Variants in SPTBN4 observed in about 807,000 individuals in gnomAD.
The protein encoded by SPTBN4 is spectrin beta chain, non-erythrocytic 4.
Under a neutral mutation model 277.8 loss-of-function variants are expected in SPTBN4, and 96 were observed. That is an observed-to-expected ratio of 0.35 (90% CI 0.29 to 0.41). The LOEUF is 0.41. Among genes scored for constraint, SPTBN4 ranks in the 10% least tolerant of loss-of-function variants. The pLI is 1.00. For synonymous variants in SPTBN4, 1,481 were observed against 1,580.3 expected (o/e 0.94, Z 1.49); for missense variants, 3,006 against 3,595.7 (o/e 0.84, Z 4.19).
intron 16 of SPTBN4, 151 bp from the exon 17 acceptor site, chr19:40,523,286 C>T: frequency 1.4e-6 from 1 of 713,798 alleles, no homozygotes; most frequent in Non-Finnish European, 2.3e-6. Context: ...GCAGAAGCAC[C>T]AGCATGGGCA....
chr19:40,492,833 C>T, intron 4 of SPTBN4, 130 bp from the exon 5 acceptor site: 1 of 695,098 alleles, frequency 1.4e-6, no homozygotes, highest in African/African-American at 1.8e-5. Context: ...GGACCCCCAC[C>T]CCCAGCCAGA....
Position 40,516,237 on chromosome 19 carries a change from C to CA in SPTBN4, c.2903+808dup, listed in dbSNP as rs61403353. 8.5e-3 allele frequency among the ~76,000 whole-genome samples: 958 copies of CA among 112,278 alleles called. 8 individuals are homozygous for CA. The highest frequency in any genetic ancestry group is 0.018 in the African/African-American group (579 of 32,398). The allele number at this position is 112,278 out of a possible 152,430, so 73.7% of individuals were successfully genotyped here. On this transcript the variant is annotated intron_variant, in intron 15 of 35. Coordinates refer to ENST00000598249, the MANE Select transcript of SPTBN4 (RefSeq NM_020971.3). ...TGGGCAATAGAGCCAGACCTTGTCT[C>CA]AAAAAAAAAAAAAAAAAAATTCCCA...
chr19:40,497,463 C>T (rs1189633804), intron 6 of SPTBN4, 26 bp from the exon 7 acceptor site: 2 of 1,573,000 alleles, frequency 1.3e-6, no homozygotes, highest in Non-Finnish European at 1.8e-6. Flanking sequence ...CTGCCTGCTG[C>T]CTGCCTGCTC....
At chr19:40,563,404 A>AT (rs765518059) in intron 27 of SPTBN4, among the ~76,000 whole-genome samples, 15 of 152,040 alleles carry the variant, frequency 9.9e-5, no homozygotes, top group Non-Finnish European at 2.1e-4. Flanking sequence ...ATGGCTTAGA[A>AT]TGGTGCTGTC....
In SPTBN4 at chr19:40,502,881, A is replaced by G. The variant is rs370028770; in HGVS notation, c.1310A>G (p.Lys437Arg). Residue 437 changes from lysine to arginine, a missense_variant, in exon 11 of 36, where the codon AAG (lysine) becomes AGG (arginine). By Grantham distance (26) the Lys-to-Arg change is conservative (BLOSUM62 2). This residue lies in a region of SPTBN4 where 1,759 missense variants were observed against 2,061.5 expected (regional missense o/e 0.85). Coordinates refer to ENST00000598249, the MANE Select transcript of SPTBN4 (RefSeq NM_020971.3). The surrounding 1 kb of genome is among the most constrained non-coding windows in gnomAD (Gnocchi z 4.9). ...LELLAQRFDH[K>R]VAMRESWLNE... ...CTACTGGCACAGAGGTTTGACCACA[A>G]GGTGGCTATGAGGGAGAGCTGGCTG... 6.2e-7 allele frequency: 1 copy of G among 1,613,924 alleles called. No homozygotes were observed. Among genetic ancestry groups the G allele is most frequent in the East Asian group, 2.2e-5 (1 of 44,884 alleles).
At chr19:40,479,702 A>ATATATATATATATATATATATATT (rs1303572950) in intron 2 of SPTBN4, among the ~76,000 whole-genome samples, 1 of 144,448 alleles carries the variant, frequency 6.9e-6, no homozygotes, top group African/African-American at 2.6e-5. Context: ...ATATATATAT[A>ATATATATATATATATATATATATT]TTTAACTTTT....
chr19:40,519,833 C>T lies in SPTBN4; in HGVS notation c.3336C>T (p.Gly1112=), dbSNP rs1374190713. The change falls in exon 16 of 36, where the codon GGC becomes GGT. Residue 1112 remains glycine, a synonymous_variant. Coordinates refer to ENST00000598249, the MANE Select transcript of SPTBN4 (RefSeq NM_020971.3). This position sits in a 1 kb window ranked among gnomAD's most constrained non-coding sequence, Gnocchi z 5.7. ...TCGTGCGCGCCCAGGAGGCGGCGGG[C>T]GGCAGCGAGGGGCCCCTGCCCAACA... ...DWLVRAQEAA[G]GSEGPLPNSL... is the part of the protein sequence containing the mutation. The T allele has an allele frequency of 1.4e-6, 2 of 1,433,300 alleles. No homozygotes were observed. Among genetic ancestry groups the T allele is most frequent in the Non-Finnish European group, 1.8e-6 (2 of 1,106,458 alleles). 88.8% of individuals were successfully genotyped at this position (1,433,300 alleles called of 1,614,324 possible). A position where few individuals can be genotyped will look rare whatever the true frequency, so the allele number is the denominator to read the frequency against.
chr19:40,540,780 C>T (rs771586719), intron 20 of SPTBN4, among the ~76,000 whole-genome samples: 32 of 134,276 alleles, frequency 2.4e-4, no homozygotes, highest in Non-Finnish European at 3.8e-4. Flanking sequence ...TGTCACTGCA[C>T]TCCAATCTGG....
chr19:40,542,295 C>T (rs557954978), intron 20 of SPTBN4, among the ~76,000 whole-genome samples: 17 of 152,294 alleles, frequency 1.1e-4, no homozygotes, highest in African/African-American at 3.8e-4. Flanking sequence ...TGTGTCCTCT[C>T]CCTCATCCCG....
At chr19:40,548,210 C>T (rs1206232006) in intron 20 of SPTBN4, among the ~76,000 whole-genome samples, 1 of 152,190 alleles carries the variant, frequency 6.6e-6, no homozygotes, top group African/African-American at 2.4e-5. Flanking sequence ...TAATTTCTTA[C>T]TATCAAATTT....
chr19:40,503,038 T>C, intron 11 of SPTBN4, 105 bp downstream of exon 11: 1 of 1,388,950 alleles, frequency 7.2e-7, no homozygotes, highest in Non-Finnish European at 9.7e-7. Context: ...AGGGAAGAGT[T>C]AGATTAGTCT....
In SPTBN4 at chr19:40,493,106, C is replaced by T. The variant is rs1341152042; in HGVS notation, c.587+52C>T. The stretch of plus-strand genomic sequence containing the variant: ...GAGGTTAGGCAAGTGGTCCCCTAAC[C>T]TCTGCAATTCCTTCCCAGACAAGAG... On this transcript the variant is annotated intron_variant, in intron 5 of 35. Transcript: ENST00000598249. 4 of 1,551,248 alleles carry T rather than the reference C, an allele frequency of 2.6e-6. No individual in the cohort carries two copies. The Admixed American group carries it at 6.7e-5, about 26-fold the overall frequency.
In SPTBN4 at chr19:40,532,622, C is replaced by T; in HGVS notation, c.3949-3C>T. 1.2e-6 allele frequency: 2 copies of T among 1,612,416 alleles called. No homozygotes were observed. The highest frequency in any genetic ancestry group is 1.7e-6 in the Non-Finnish European group (2 of 1,179,086). Reference sequence around the variant, plus strand: ...CTGAGCCCTCCTGCCCTGTTCTGCACAGCTGGATGGCTGGATCCATGAGAA... The same window carrying T: ...CTGAGCCCTCCTGCCCTGTTCTGCATAGCTGGATGGCTGGATCCATGAGAA... On this transcript the variant is annotated splice_polypyrimidine_tract_variant and splice_region_variant and intron_variant, in intron 18 of 35. Coordinates refer to ENST00000598249, the MANE Select transcript of SPTBN4 (RefSeq NM_020971.3).
rs1368812114 is a variant in SPTBN4, at chr19:40,536,046, T to C, written c.4359+1703T>C. The stretch of plus-strand genomic sequence containing the variant: ...TGTTGGGATATAGCAGTGGGCAAAA[T>C]GGATGAAAAGTTACTGCCTTCACGG... On this transcript the variant is annotated intron_variant, in intron 20 of 35. Coordinates refer to ENST00000598249, the MANE Select transcript of SPTBN4 (RefSeq NM_020971.3). Among the ~76,000 whole-genome samples the C allele has an allele frequency of 2.0e-5, 3 of 151,990 alleles. No individual in the cohort carries two copies. The South Asian group carries it at 6.2e-4, about 31-fold the overall frequency.
chr19:40,482,636 A>G (rs1217722615), intron 2 of SPTBN4, among the ~76,000 whole-genome samples: 1 of 152,222 alleles, frequency 6.6e-6, no homozygotes, highest in Non-Finnish European at 1.5e-5. Context: ...ACTGATTTAC[A>G]TTTTTATAAA....
chr19:40,555,959 G>A (rs1156760074), intron 24 of SPTBN4, 125 bp from the exon 25 acceptor site: 3 of 786,076 alleles, frequency 3.8e-6, no homozygotes, highest in Non-Finnish European at 4.0e-6. Context: ...CTCTACCTGG[G>A]GACACAGCCG....
intron 17 of SPTBN4, among the ~76,000 whole-genome samples, chr19:40,524,232 C>T (rs2080563056): frequency 6.6e-6 from 1 of 151,872 alleles, no homozygotes; most frequent in Admixed American, 6.6e-5. Context: ...AGGCTGGGTG[C>T]AGTGACTCAT....
chr19:40,468,704 AAACT>A (rs2079853411), intron 1 of SPTBN4, among the ~76,000 whole-genome samples: 1 of 152,140 alleles, frequency 6.6e-6, no homozygotes, highest in South Asian at 2.1e-4. Flanking sequence ...GCAGATGAAC[AAACT>A]AAGGCCCAAA....
chr19:40,470,288 C>T (rs1284691488), intron 1 of SPTBN4, among the ~76,000 whole-genome samples: 10 of 150,894 alleles, frequency 6.6e-5, no homozygotes, highest in African/African-American at 1.9e-4. Context: ...CATGAGCCAC[C>T]GTGCCCGGCC....
Sources: allele counts gnomAD v4.1 joint callset (sites outside exome capture counted in the v4.1 genomes callset), GRCh38; gene constraint gnomAD v4.1.1; regional missense constraint gnomAD v4.1.1; non-coding constraint Gnocchi (gnomAD v3.1); transcripts MANE v1.5; gene names NCBI Gene and HGNC (gene_info 2026-07-23, HGNC 2026-07-21).